CDK17: variants seen among roughly 807,000 people sequenced by gnomAD.
The protein encoded by CDK17 is cyclin-dependent kinase 17.
CDK17 carries 24 observed loss-of-function variants against 77.6 expected under a neutral mutation model. The ratio of observed to expected loss-of-function variants is 0.31; its 90% CI spans 0.22 to 0.44. The LOEUF (loss-of-function observed/expected upper bound fraction) is 0.44. Among genes scored for constraint, CDK17 ranks in the 20% least tolerant of loss-of-function variants. The pLI, the probability that CDK17 is intolerant of heterozygous loss-of-function variation, is 1.00. For missense variants in CDK17, 429 were observed against 622.5 expected (o/e 0.69, Z 3.31); for synonymous variants, 203 against 210.4 (o/e 0.96, Z 0.30).
At chr12:96,281,436 T>C (rs1267427781) in intron 15 of CDK17, among the ~76,000 whole-genome samples, 1 of 152,266 alleles carries the variant, frequency 6.6e-6, no homozygotes, top group East Asian at 1.9e-4. Context: ...TGGCATGATC[T>C]TGGCTCACTG....
chr12:96,339,556 TA>T (rs531167302), intron 1 of CDK17, among the ~76,000 whole-genome samples: 1,708 of 144,536 alleles, frequency 0.012, 45 homozygotes, highest in Admixed American at 0.068. Flanking sequence ...TTTTAAAAAT[TA>T]AAAAAAAAAA....
chr12:96,346,224 G>A (rs11532365), intron 1 of CDK17, among the ~76,000 whole-genome samples: 12,841 of 151,908 alleles, frequency 0.085, 703 homozygotes, highest in South Asian at 0.18. Flanking sequence ...AGGCGGAGGC[G>A]GGCAGATCAC....
At position 96,324,036 on chromosome 12, in the gene CDK17, G is replaced by T. The variant is rs371601842; in HGVS notation, c.195C>A (p.Phe65Leu). The change falls in exon 3 of 17, where the codon TTC becomes TTA. Residue 65 changes from phenylalanine to leucine, a missense_variant. Phe to Leu is a conservative substitution (Grantham distance 22). This residue lies in a region of CDK17 where 262 missense variants were observed against 385.4 expected (regional missense o/e 0.68). Transcript: ENST00000261211. Reference protein sequence around the residue: ...HSFLHQYTGSFKKPPLRRPHS... With the variant: ...HSFLHQYTGSLKKPPLRRPHS... ...GTGGTCTCCGCAATGGGGGCTTCTT[G>T]AAAGATCCTGTGTACTGGTGGAGGA... 2.5e-6 allele frequency: 4 copies of T among 1,612,096 alleles called. No homozygotes were observed. The South Asian group carries it at 4.4e-5, about 18-fold the overall frequency.
At chr12:96,394,577 G>A (rs1395189118) in intron 1 of CDK17, among the ~76,000 whole-genome samples, 1 of 152,032 alleles carries the variant, frequency 6.6e-6, no homozygotes, top group Non-Finnish European at 1.5e-5. Context: ...CACTTTGGGA[G>A]ACCGAGGTGC....
intron 3 of CDK17, among the ~76,000 whole-genome samples, chr12:96,321,890 C>T (rs1952821325): frequency 1.4e-5 from 2 of 144,830 alleles, no homozygotes; most frequent in Non-Finnish European, 3.0e-5. Flanking sequence ...AGCGCACCAG[C>T]ATGGCACATG....
intron 3 of CDK17, among the ~76,000 whole-genome samples, chr12:96,323,357 G>C (rs1392876800): frequency 2.0e-5 from 3 of 152,060 alleles, no homozygotes; most frequent in Non-Finnish European, 4.4e-5. Context: ...TCAGGAGGCT[G>C]AGGTGGGAGG....
At chr12:96,338,334 A>C (rs907657101) in intron 1 of CDK17, among the ~76,000 whole-genome samples, 5 of 152,154 alleles carry the variant, frequency 3.3e-5, no homozygotes, top group Non-Finnish European at 7.4e-5. Flanking sequence ...TTTCATCTGC[A>C]TCTTTTAGCC....
At chr12:96,371,407 A>G (rs1953690970) in intron 1 of CDK17, among the ~76,000 whole-genome samples, 1 of 152,224 alleles carries the variant, frequency 6.6e-6, no homozygotes, top group Non-Finnish European at 1.5e-5. Context: ...ACAATAAAAA[A>G]TTAAAACAGC....
chr12:96,343,254 A>C (rs761711844), intron 1 of CDK17, among the ~76,000 whole-genome samples: 1 of 152,248 alleles, frequency 6.6e-6, no homozygotes, highest in Non-Finnish European at 1.5e-5. Context: ...CACTAAAAAC[A>C]ACCAGGAAAG....
intron 9 of CDK17, among the ~76,000 whole-genome samples, chr12:96,296,865 C>A (rs12319894): frequency 1.2e-4 from 19 of 152,252 alleles, no homozygotes; most frequent in African/African-American, 4.6e-4. Context: ...TGGCCTTATT[C>A]ATTAGTTCTG....
intron 1 of CDK17, among the ~76,000 whole-genome samples, chr12:96,383,741 G>T (rs1953925010): frequency 6.6e-6 from 1 of 152,102 alleles, no homozygotes; most frequent in African/African-American, 2.4e-5. Flanking sequence ...AATGAAAGTG[G>T]GCCCCTACTT....
At chr12:96,339,934 C>A (rs7957594) in intron 1 of CDK17, among the ~76,000 whole-genome samples, 3 of 151,492 alleles carry the variant, frequency 2.0e-5, no homozygotes, top group African/African-American at 7.3e-5. Context: ...ATCAATCAAT[C>A]AATAAAATAA....
chr12:96,286,561 TAGTCTC>T, intron 12 of CDK17, 97 bp downstream of exon 12: 2 of 736,190 alleles, frequency 2.7e-6, no homozygotes, highest in Non-Finnish European at 4.6e-6. Context: ...CTGTTTATGT[TAGTCTC>T]AGTATCTAAT....
chr12:96,338,512 A>G (rs1592737735), intron 1 of CDK17, among the ~76,000 whole-genome samples: 1 of 152,160 alleles, frequency 6.6e-6, no homozygotes, highest in East Asian at 1.9e-4. Context: ...ATAACTACCA[A>G]CATTTCGGAC....
At chr12:96,338,683 G>A (rs1043131205) in intron 1 of CDK17, among the ~76,000 whole-genome samples, 2 of 151,790 alleles carry the variant, frequency 1.3e-5, no homozygotes, top group African/African-American at 2.4e-5. Context: ...GAGACACTGC[G>A]CTTGGCCCTC....
intron 9 of CDK17, among the ~76,000 whole-genome samples, chr12:96,295,983 C>G (rs915478629): frequency 3.9e-5 from 6 of 152,164 alleles, no homozygotes; most frequent in African/African-American, 1.2e-4. Flanking sequence ...AACACTGAGG[C>G]AGCCAAGGCA....
At chr12:96,388,069 A>T (rs1043954718) in intron 1 of CDK17, among the ~76,000 whole-genome samples, 2 of 152,118 alleles carry the variant, frequency 1.3e-5, no homozygotes, top group African/African-American at 4.8e-5. Context: ...CAGGAGTTGG[A>T]AACCAGCCTG....
chr12:96,360,298 G>A (rs1430980661), intron 1 of CDK17, among the ~76,000 whole-genome samples: 1 of 152,168 alleles, frequency 6.6e-6, no homozygotes, highest in Non-Finnish European at 1.5e-5. Flanking sequence ...GAAGAGGCCT[G>A]ATCATTTGAA....
rs145038519 is a variant in CDK17, at chr12:96,334,777, T to A, written c.60A>T (p.Glu20Asp). ...TTTGTTCAGCCAATTCAGACAATGA[T>A]TCATCAATAGTCTGACTTCCTCGGA... ...LTLRGSQTID[E>D]SLSELAEQMT... is the part of the protein sequence containing the mutation. The change falls in exon 2 of 17, where the codon GAA (glutamate) becomes GAT (aspartate). Residue 20 changes from glutamate (E) to aspartate (D), a missense_variant. Glu to Asp is a conservative substitution (Grantham distance 45). Around this residue, in one of 4 missense-constraint regions of CDK17, gnomAD observed 262 missense variants for 385.4 expected, o/e 0.68. Coordinates refer to ENST00000261211, the MANE Select transcript of CDK17 (RefSeq NM_002595.5). 8 of 1,612,388 alleles carry A rather than the reference T, an allele frequency of 5.0e-6. No homozygotes were observed. The African/African-American group carries it at 1.1e-4, about 22-fold the overall frequency.
Sources: allele counts gnomAD v4.1 joint callset (sites outside exome capture counted in the v4.1 genomes callset), GRCh38; gene constraint gnomAD v4.1.1; regional missense constraint gnomAD v4.1.1; transcripts MANE v1.5; gene names NCBI Gene and HGNC (gene_info 2026-07-23, HGNC 2026-07-21).